Variants in PAPPA2 observed in about 807,000 individuals in gnomAD.
The protein encoded by PAPPA2 is pappalysin-2.
A neutral mutation model predicts 176.4 loss-of-function variants in PAPPA2; 86 were observed. The observed-to-expected ratio is 0.49, with a 90% CI of 0.41 to 0.58. The LOEUF is 0.58. Among genes scored for constraint, PAPPA2 ranks in the 20% least tolerant of loss-of-function variants. The probability of loss-of-function intolerance (pLI) is 0.00; values close to 1 mark genes in which losing one functional copy is unlikely to be tolerated. For missense variants in PAPPA2, 2,073 were observed against 2,256.9 expected, an observed-to-expected ratio of 0.92 and a Z score of 1.65; for synonymous variants, 809 against 852.2, an observed-to-expected ratio of 0.95 and a Z score of 0.88.
At position 176,579,936 on chromosome 1, in the gene PAPPA2, A is replaced by G. The variant is rs570185617; in HGVS notation, c.920-14588A>G. On this transcript the variant is annotated intron_variant, in intron 2 of 22. Transcript: ENST00000367662. ...CGATATGTAATAATTGTATATATTTATGAAGTATGTAGTGATCAAATCTGA... is the reference window on the plus strand; with the variant it reads ...CGATATGTAATAATTGTATATATTTGTGAAGTATGTAGTGATCAAATCTGA... 2.6e-5 allele frequency among the ~76,000 whole-genome samples: 4 copies of G among 152,350 alleles called. No homozygotes were observed. The East Asian group carries it at 7.7e-4, about 29-fold the overall frequency.
rs560989475 is a variant in PAPPA2 at position 176,773,700 on chromosome 1, G to C, written c.4715+2520G>C. Among the ~76,000 whole-genome samples the C allele has an allele frequency of 3.9e-5, 6 of 152,280 alleles. No homozygotes were observed. In the South Asian group the frequency reaches 8.3e-4, roughly 21 times the overall value. ...GTCGTGAAAGCATTTTACAAACTTTGAAGTTCAATACACATGCTATGTATT... is the reference window on the plus strand; with the variant it reads ...GTCGTGAAAGCATTTTACAAACTTTCAAGTTCAATACACATGCTATGTATT... On this transcript the variant is annotated intron_variant, in intron 17 of 22. Coordinates refer to ENST00000367662, the MANE Select transcript of PAPPA2 (RefSeq NM_020318.3).
chr1:176,759,545 G>A (rs890179668), intron 14 of PAPPA2, among the ~76,000 whole-genome samples: 1 of 152,082 alleles, frequency 6.6e-6, no homozygotes, highest in Non-Finnish European at 1.5e-5. Flanking sequence ...TAGCCTTCTG[G>A]AGTTCTTTCA....
chr1:176,737,910 T>C (rs988998587), intron 12 of PAPPA2, among the ~76,000 whole-genome samples: 5 of 152,118 alleles, frequency 3.3e-5, no homozygotes, highest in Non-Finnish European at 7.4e-5. Context: ...TTCCTCCTTG[T>C]TGAAGCCACC....
At chr1:176,796,287 G>C (rs965042420) in intron 20 of PAPPA2, among the ~76,000 whole-genome samples, 1 of 152,188 alleles carries the variant, frequency 6.6e-6, no homozygotes, top group African/African-American at 2.4e-5. Context: ...GAACAGAAAA[G>C]CAAGTTGCAG....
intron 3 of PAPPA2, among the ~76,000 whole-genome samples, chr1:176,644,954 A>T (rs1185973660): frequency 1.3e-5 from 2 of 151,842 alleles, no homozygotes; most frequent in Non-Finnish European, 2.9e-5. Context: ...ATTTAATTTC[A>T]AAAGTTTTAC....
chr1:176,692,010 C>T (rs1322058990), intron 5 of PAPPA2, 116 bp from the exon 6 acceptor site: 8 of 932,096 alleles, frequency 8.6e-6, no homozygotes, highest in Non-Finnish European at 1.2e-5. Context: ...CAAGTAAGTG[C>T]TCATTGAGCC....
intron 1 of PAPPA2, among the ~76,000 whole-genome samples, chr1:176,527,640 A>G (rs1288780720): frequency 6.6e-6 from 1 of 152,168 alleles, no homozygotes; most frequent in African/African-American, 2.4e-5. Context: ...CCCACACTCT[A>G]TTCCTCTCAC....
rs757327170 is a variant in PAPPA2 at position 176,690,308 on chromosome 1, T to C, written c.2309T>C (p.Leu770Pro). 1 of 1,614,094 alleles carries C rather than the reference T, an allele frequency of 6.2e-7. No homozygotes were observed. The highest frequency in any genetic ancestry group is 8.5e-7 in the Non-Finnish European group (1 of 1,179,992). Reference protein sequence around the residue: ...ETVPSMETGDLCADTAPTPKS... With the variant: ...ETVPSMETGDPCADTAPTPKS... ...GTGCCATCCATGGAAACGGGAGACCTCTGTGCCGACACCGCCCCCACTCCC... is the reference window on the plus strand; with the variant it reads ...GTGCCATCCATGGAAACGGGAGACCCCTGTGCCGACACCGCCCCCACTCCC... The change falls in exon 5 of 23, where the codon CTC (leucine) becomes CCC (proline). Residue 770 changes from leucine (L) to proline (P), a missense_variant. Transcript: ENST00000367662.
Position 176,771,188 on chromosome 1 carries a change from G to A in PAPPA2, c.4715+8G>A. The stretch of plus-strand genomic sequence containing the variant: ...AGAGGGTAAAGTCAGGAAGTAAGTT[G>A]AATGTTCCTGGTCTTTGGAGTTCTA... On this transcript the variant is annotated splice_region_variant and intron_variant, in intron 17 of 22. Transcript: ENST00000367662. The A allele has an allele frequency of 1.2e-6, 2 of 1,612,668 alleles. No homozygotes were observed. Among genetic ancestry groups the A allele is most frequent in the African/African-American group, 1.3e-5 (1 of 75,026 alleles).
In PAPPA2 at chr1:176,814,200, G is replaced by A. The variant is rs139596599; in HGVS notation, c.5202+14068G>A. 9.2e-4 allele frequency among the ~76,000 whole-genome samples: 140 copies of A among 152,100 alleles called. 1 individual carries two copies. In the East Asian group the frequency reaches 0.018, roughly 19 times the overall value. On this transcript the variant is annotated intron_variant, in intron 21 of 22. Transcript: ENST00000367662. ...GGTTACTGTAGCCTTGTAGTATAGC[G>A]TGAAGTCAGGTAGCATGATGCCTCC... is the stretch of plus-strand genomic sequence containing the variant.
At chr1:176,739,362 TA>T (rs530191749) in intron 12 of PAPPA2, among the ~76,000 whole-genome samples, 14 of 150,978 alleles carry the variant, frequency 9.3e-5, no homozygotes, top group South Asian at 6.3e-4. Flanking sequence ...CAGGGTCAAG[TA>T]AAAAAAAACA....
intron 1 of PAPPA2, among the ~76,000 whole-genome samples, chr1:176,503,009 T>G (rs1260082348): frequency 6.6e-6 from 1 of 152,184 alleles, no homozygotes; most frequent in East Asian, 1.9e-4. Context: ...ATTTCGTGGT[T>G]TAAAATGACA....
chr1:176,772,180 A>G (rs1407092613), intron 17 of PAPPA2, among the ~76,000 whole-genome samples: 1 of 152,238 alleles, frequency 6.6e-6, no homozygotes, highest in Non-Finnish European at 1.5e-5. Flanking sequence ...CTGAGTGAAC[A>G]AAAAGCTTTC....
At chr1:176,683,772 C>A (rs1042008597) in intron 4 of PAPPA2, among the ~76,000 whole-genome samples, 1 of 152,054 alleles carries the variant, frequency 6.6e-6, no homozygotes, top group African/African-American at 2.4e-5. Flanking sequence ...GTCAGTGGTT[C>A]CTCTCTAGGG....
chr1:176,815,474 G>A (rs948276364), intron 21 of PAPPA2, among the ~76,000 whole-genome samples: 14 of 151,970 alleles, frequency 9.2e-5, no homozygotes, highest in African/African-American at 3.1e-4. Flanking sequence ...TGTTGTTTTT[G>A]CTTCACCTGT....
chr1:176,474,089 T>TAA (rs1300912924), intron 1 of PAPPA2, among the ~76,000 whole-genome samples: 1 of 152,240 alleles, frequency 6.6e-6, no homozygotes, highest in Non-Finnish European at 1.5e-5. Context: ...TGGCTATAGA[T>TAA]AAAAATGTTT....
chr1:176,635,064 C>T (rs1304873053), intron 3 of PAPPA2, among the ~76,000 whole-genome samples: 1 of 152,024 alleles, frequency 6.6e-6, no homozygotes, highest in Non-Finnish European at 1.5e-5. Flanking sequence ...GAAATAACTA[C>T]ATGTTAGAAG....
At chr1:176,641,505 T>C (rs892142120) in intron 3 of PAPPA2, among the ~76,000 whole-genome samples, 16 of 151,490 alleles carry the variant, frequency 1.1e-4, no homozygotes, top group South Asian at 4.2e-4. Context: ...GTTGTAGATA[T>C]GCGGCGTTAT....
chr1:176,777,301 A>G (rs1362167242), intron 17 of PAPPA2, among the ~76,000 whole-genome samples: 1 of 152,182 alleles, frequency 6.6e-6, no homozygotes, highest in Non-Finnish European at 1.5e-5. Context: ...TATTTAGGGC[A>G]CTGTTAGAGT....
Sources: allele counts gnomAD v4.1 joint callset (sites outside exome capture counted in the v4.1 genomes callset), GRCh38; gene constraint gnomAD v4.1.1; transcripts MANE v1.5; gene names NCBI Gene and HGNC (gene_info 2026-07-23, HGNC 2026-07-21).